LIMA1: variants seen among roughly 807,000 people sequenced by gnomAD.
LIMA1 encodes the protein LIM domain and actin-binding protein 1.
LIMA1 carries 52 observed loss-of-function variants against 62.6 expected under a neutral mutation model. The ratio of observed to expected loss-of-function variants is 0.83; its 90% confidence interval spans 0.67 to 1.05. The LOEUF is 1.05. Among genes scored for constraint, LIMA1 ranks in the 50% least tolerant of loss-of-function variants. The pLI, the probability that LIMA1 is intolerant of heterozygous loss-of-function variation, is 0.00. For synonymous variants in LIMA1, 302 were observed against 317.8 expected (o/e 0.95, Z 0.53); for missense variants, 780 against 902.2 (o/e 0.86, Z 1.74).
At chr12:50,265,576 G>T (rs1203115892) in intron 1 of LIMA1, among the ~76,000 whole-genome samples, 1 of 151,904 alleles carries the variant, frequency 6.6e-6, no homozygotes. Flanking sequence ...ATTAGTTGAA[G>T]AGAAATTGTT....
chr12:50,230,730 C>T (rs936901640), intron 3 of LIMA1, among the ~76,000 whole-genome samples: 2 of 152,036 alleles, frequency 1.3e-5, no homozygotes, highest in Non-Finnish European at 2.9e-5. Context: ...GCGCCCGCCA[C>T]CACGCCCGGC....
intron 4 of LIMA1, among the ~76,000 whole-genome samples, chr12:50,212,404 G>A (rs1941273645): frequency 1.3e-5 from 2 of 152,226 alleles, no homozygotes; most frequent in South Asian, 4.1e-4. Flanking sequence ...GGAAATCGGG[G>A]CATAGATAAA....
At chr12:50,256,404 C>A (rs1941998104) in intron 1 of LIMA1, 1 of 152,052 alleles carries the variant, frequency 6.6e-6, no homozygotes, top group South Asian at 2.1e-4. Context: ...ACAAGAGTTC[C>A]CATATACATT....
chr12:50,208,024 T>C (rs908557331), intron 4 of LIMA1, among the ~76,000 whole-genome samples: 3 of 152,008 alleles, frequency 2.0e-5, no homozygotes, highest in African/African-American at 7.3e-5. Flanking sequence ...CCAGTAAGAA[T>C]AGTTTCTTTC....
At chr12:50,236,568 G>C (rs183809200) in intron 2 of LIMA1, among the ~76,000 whole-genome samples, 9 of 152,082 alleles carry the variant, frequency 5.9e-5, no homozygotes, top group African/African-American at 1.9e-4. Context: ...CAAAGTGCTG[G>C]GATTACAGGC....
chr12:50,222,084 T>A lies in LIMA1; in HGVS notation c.567A>T (p.Lys189Asn), dbSNP rs757999958. The A allele has an allele frequency of 6.2e-7, 1 of 1,614,208 alleles. No homozygotes were observed. Among genetic ancestry groups the A allele is most frequent in the Admixed American group, 1.7e-5 (1 of 60,022 alleles). The change falls in exon 4 of 11, where the codon AAA (lysine) becomes AAT (asparagine). Residue 189 changes from lysine (K) to asparagine (N), a missense_variant. Lys to Asn is a moderately conservative substitution (Grantham distance 94). Coordinates refer to ENST00000341247, the MANE Select transcript of LIMA1 (RefSeq NM_016357.5). Reference sequence around the variant, plus strand: ...TAAGCCTGTTCAGCGGAACATTATATTTCTCTATTTTGCCCGAAGCATCTG... The same window carrying A: ...TAAGCCTGTTCAGCGGAACATTATAATTCTCTATTTTGCCCGAAGCATCTG... The part of the protein sequence containing the change: ...ENTDASGKIE[K>N]YNVPLNRLKM...
chr12:50,278,577 G>A (rs1316131760), intron 1 of LIMA1, among the ~76,000 whole-genome samples: 6 of 152,070 alleles, frequency 3.9e-5, no homozygotes, highest in African/African-American at 1.4e-4. Flanking sequence ...TCCTTGACCT[G>A]GTAATTCAAC....
At chr12:50,203,008 C>CT (rs11292692) in intron 6 of LIMA1, among the ~76,000 whole-genome samples, 1,949 of 121,442 alleles carry the variant, frequency 0.016, 64 homozygotes, top group African/African-American at 0.047. Context: ...AGGTAACTTC[C>CT]TTTTTTTTTT....
At chr12:50,188,507 C>T (rs1363348538) in intron 9 of LIMA1, 1 of 152,156 alleles carries the variant, frequency 6.6e-6, no homozygotes, top group Non-Finnish European at 1.5e-5. Context: ...AGGCAAACAG[C>T]CAGGCCAGTT....
chr12:50,273,099 C>T (rs185579251), intron 1 of LIMA1, among the ~76,000 whole-genome samples: 3 of 150,428 alleles, frequency 2.0e-5, no homozygotes, highest in East Asian at 1.9e-4. Context: ...TAAGAGGGAG[C>T]CTTACTCTCT....
chr12:50,192,528 G>A lies in LIMA1; in HGVS notation c.1064C>T (p.Pro355Leu), dbSNP rs1940801080. The change falls in exon 9 of 11, where the codon CCT (proline) becomes CTT (leucine). Residue 355 changes from proline (P) to leucine (L), a missense_variant. Transcript: ENST00000341247. ...TGGACTTAGTGGCTTGGGATGGACA[G>A]GCTGTTGAACCTCACTCTTAACCTG... ...DSQVKSEVQQ[P>L]VHPKPLSPDS... is the part of the protein sequence containing the mutation. 2 of 1,613,930 alleles carry A rather than the reference G, an allele frequency of 1.2e-6. No individual in the cohort carries two copies. Among genetic ancestry groups the A allele is most frequent in the Non-Finnish European group, 1.7e-6 (2 of 1,179,928 alleles).
chr12:50,242,889 C>T (rs147672166), intron 2 of LIMA1, among the ~76,000 whole-genome samples: 25 of 152,184 alleles, frequency 1.6e-4, no homozygotes, highest in African/African-American at 5.8e-4. Context: ...GAGAACTGGC[C>T]CTGAGATTCC....
Position 50,280,144 on chromosome 12 carries a change from ATTTTTTTTTTTT to A in LIMA1, c.-24+3264_-24+3275del, listed in dbSNP as rs71441354. 1.2e-3 allele frequency among the ~76,000 whole-genome samples: 81 copies of A among 68,312 alleles called. 2 individuals carry two copies. The highest frequency in any genetic ancestry group is 4.6e-3 in the African/African-American group (77 of 16,606). The allele number at this position is 68,312 out of a possible 152,430, so 44.8% of individuals were successfully genotyped here. A position where few individuals can be genotyped will look rare whatever the true frequency, so the allele number is the denominator to read the frequency against. On this transcript the variant is annotated intron_variant, in intron 1 of 10. Transcript: ENST00000341247. ...AAGTTCTTAGTTTCAGGGTAGTAGTATTTTTTTTTTTTTTTTTTTTTTTTTTTTGAGACGGAG... is the reference window on the plus strand; with the variant it reads ...AAGTTCTTAGTTTCAGGGTAGTAGTATTTTTTTTTTTTTTTTGAGACGGAG...
Position 50,277,174 on chromosome 12 carries a change from G to A in LIMA1, c.-24+6246C>T, listed in dbSNP as rs374432924. On this transcript the variant is annotated intron_variant, in intron 1 of 10. Coordinates refer to ENST00000341247, the MANE Select transcript of LIMA1 (RefSeq NM_016357.5). ...TTATCTTACCAGTTTCCAAGTGTCA[G>A]TCTATGGGAGTGCCTAAAAAAATAC... 9.2e-5 allele frequency among the ~76,000 whole-genome samples: 14 copies of A among 152,138 alleles called. 1 individual carries two copies. In the South Asian group the frequency reaches 2.9e-3, roughly 32 times the overall value.
At chr12:50,202,963 T>A (rs1187968464) in intron 6 of LIMA1, among the ~76,000 whole-genome samples, 1 of 151,994 alleles carries the variant, frequency 6.6e-6, no homozygotes, top group Non-Finnish European at 1.5e-5. Flanking sequence ...TCTATGTGTG[T>A]GTATACATAT....
chr12:50,240,726 A>G (rs1941765834), intron 2 of LIMA1, among the ~76,000 whole-genome samples: 1 of 152,134 alleles, frequency 6.6e-6, no homozygotes, highest in Admixed American at 6.5e-5. Context: ...ATGTGTCCGG[A>G]GCTCAGAAGA....
chr12:50,271,969 C>A (rs1399555695), intron 1 of LIMA1, among the ~76,000 whole-genome samples: 1 of 152,172 alleles, frequency 6.6e-6, no homozygotes, highest in Non-Finnish European at 1.5e-5. Flanking sequence ...TCTTTACAAT[C>A]TCAAAGCAAA....
rs772093224 is a variant in LIMA1 at position 50,248,748 on chromosome 12, C to T, written c.4G>A (p.Glu2Lys). The change falls in exon 2 of 11, where the codon GAA becomes AAA. Residue 2 changes from glutamate (E) to lysine (K), a missense_variant. Coordinates refer to ENST00000341247, the MANE Select transcript of LIMA1 (RefSeq NM_016357.5). Reference sequence around the variant, plus strand: ...TGCCGTCTATTAAATGGAGATGATTCCATCTTGTCTACAGACACTGAAATA... The same window carrying T: ...TGCCGTCTATTAAATGGAGATGATTTCATCTTGTCTACAGACACTGAAATA... M[E>K]SSPFNRRQWT... The T allele has an allele frequency of 3.8e-6, 6 of 1,565,898 alleles. No individual in the cohort carries two copies. The Admixed American group carries it at 8.3e-5, about 22-fold the overall frequency.
At chr12:50,232,662 C>T (rs971719524) in intron 2 of LIMA1, among the ~76,000 whole-genome samples, 21 of 152,188 alleles carry the variant, frequency 1.4e-4, no homozygotes, top group African/African-American at 3.4e-4. Flanking sequence ...AGCCACCAGG[C>T]CCAGCCCCCC....
Sources: allele counts gnomAD v4.1 joint callset (sites outside exome capture counted in the v4.1 genomes callset), GRCh38; gene constraint gnomAD v4.1.1; transcripts MANE v1.5; gene names NCBI Gene and HGNC (gene_info 2026-07-23, HGNC 2026-07-21).